GABRA3: variants seen among roughly 807,000 people sequenced by gnomAD.
GABRA3 encodes gamma-aminobutyric acid type A receptor subunit alpha3, also known as gamma-aminobutyric acid receptor subunit alpha-3.
In GABRA3, 10 loss-of-function variants were observed where a neutral mutation model predicts 30.1. That is an observed-to-expected ratio of 0.33 (90% CI 0.20 to 0.56). The LOEUF (loss-of-function observed/expected upper bound fraction) is 0.56. GABRA3 is among the 20% of genes least tolerant of loss of function. GABRA3 has a pLI of 0.89. For missense variants in GABRA3, 233 were observed against 392.0 expected (o/e 0.59, Z 3.42); for synonymous variants, 151 against 146.8 (o/e 1.03, Z -0.21).
At chrX:152,326,988 A>C (rs1179554805) in intron 3 of GABRA3, among the ~76,000 whole-genome samples, 1 of 109,688 alleles carries the variant, frequency 9.1e-6, no homozygotes, top group Non-Finnish European at 1.9e-5. Flanking sequence ...ATACAGGCTC[A>C]AAATAAAGGG....
At chrX:152,203,830 TA>T (rs1365040321) in intron 7 of GABRA3, among the ~76,000 whole-genome samples, 3 of 111,744 alleles carry the variant, frequency 2.7e-5, no homozygotes, top group Non-Finnish European at 5.6e-5. Context: ...CCCACTTGAA[TA>T]ATCCAGAATA....
At chrX:152,306,264 T>C (rs1030817418) in intron 3 of GABRA3, among the ~76,000 whole-genome samples, 1 of 111,731 alleles carries the variant, frequency 9.0e-6, no homozygotes, top group African/African-American at 3.3e-5. Context: ...CACGACAATT[T>C]TGGAGAGCAA....
chrX:152,385,134 A>G (rs887105916), intron 1 of GABRA3, among the ~76,000 whole-genome samples: 1 of 112,015 alleles, frequency 8.9e-6, no homozygotes, highest in Admixed American at 9.5e-5. Flanking sequence ...AGAATAATGA[A>G]GCACAAGAGA....
intron 3 of GABRA3, among the ~76,000 whole-genome samples, chrX:152,334,480 C>G (rs756779232): frequency 4.5e-5 from 5 of 111,975 alleles, no homozygotes; most frequent in African/African-American, 1.6e-4. Context: ...AAAAAAGCTA[C>G]TAGAAGTTTC....
chrX:152,230,517 G>A (rs1047194325), intron 5 of GABRA3, among the ~76,000 whole-genome samples: 2 of 110,678 alleles, frequency 1.8e-5, no homozygotes, highest in African/African-American at 6.6e-5. Context: ...ATCTAGAATA[G>A]CCAAAGCATC....
chrX:152,182,599 TATATACTATATATGC>T (rs1937178453), intron 9 of GABRA3, among the ~76,000 whole-genome samples: 1 of 20,710 alleles, frequency 4.8e-5, no homozygotes, highest in East Asian at 1.4e-3. Context: ...ATACACACTA[TATATACTATATATGC>T]ATATATAGTA....
intron 3 of GABRA3, among the ~76,000 whole-genome samples, chrX:152,321,070 G>T (rs1457730245): frequency 8.9e-6 from 1 of 111,975 alleles, no homozygotes; most frequent in African/African-American, 3.2e-5. Flanking sequence ...ATATGTTCCA[G>T]AATCTTCTCT....
chrX:152,296,523 T>C (rs188638581), intron 3 of GABRA3, among the ~76,000 whole-genome samples: 2 of 111,535 alleles, frequency 1.8e-5, no homozygotes, highest in South Asian at 3.7e-4. Context: ...TGAGCTCCAA[T>C]CTAGGCTCTG....
At chrX:152,270,186 GTGGCAGTTACCC>G (rs1460896134) in intron 4 of GABRA3, among the ~76,000 whole-genome samples, 6 of 111,670 alleles carry the variant, frequency 5.4e-5, no homozygotes, top group Non-Finnish European at 7.5e-5. Context: ...TTGAATTACA[GTGGCAGTTACCC>G]TCATGCTGTT....
At chrX:152,342,530 G>A (rs11797166) in intron 3 of GABRA3, among the ~76,000 whole-genome samples, 13,338 of 110,045 alleles carry the variant, frequency 0.12, 678 homozygotes, top group African/African-American at 0.18. Context: ...GCTTATTAGC[G>A]TTTCTGTCCT....
At chrX:152,310,109 A>G (rs1168473719) in intron 3 of GABRA3, among the ~76,000 whole-genome samples, 1 of 112,324 alleles carries the variant, frequency 8.9e-6, no homozygotes, top group Non-Finnish European at 1.9e-5. Context: ...TATGCAACCA[A>G]CACTGGAACA....
chrX:152,355,128 A>G (rs6526102), intron 2 of GABRA3, among the ~76,000 whole-genome samples: 24,870 of 110,078 alleles, frequency 0.23, 2,769 homozygotes, highest in African/African-American at 0.44. Context: ...ACTCCCCAGC[A>G]GTCTCCTCTT....
In GABRA3 at chrX:152,392,164, C is replaced by T. The variant is rs73626650; in HGVS notation, c.-26-27568G>A. On this transcript the variant is annotated intron_variant, in intron 1 of 9. Coordinates refer to ENST00000370314, the MANE Select transcript of GABRA3 (RefSeq NM_000808.4). ...TGGATGTGATACAAGATTAGAAACA[C>T]AGAGCACAGGAACAAATGGCTTTGG... 2.3e-3 allele frequency: 845 copies of T among 371,851 alleles called. 10 individuals are homozygous for T. The highest frequency in any genetic ancestry group is 0.02 in the African/African-American group (786 of 39,010). 30.6% of individuals were successfully genotyped at this position (371,851 alleles called of 1,213,427 possible).
intron 1 of GABRA3, among the ~76,000 whole-genome samples, chrX:152,417,327 A>G (rs1325119935): frequency 9.6e-6 from 1 of 104,431 alleles, no homozygotes; most frequent in Admixed American, 1.0e-4. Context: ...ACAATGAGAT[A>G]CCACCTCACA....
chrX:152,185,118 A>C (rs1419035324), intron 9 of GABRA3, among the ~76,000 whole-genome samples: 1 of 111,863 alleles, frequency 8.9e-6, no homozygotes, highest in Admixed American at 9.5e-5. Context: ...GAAAAAAGAA[A>C]CTAAGTTATT....
chrX:152,349,507 T>C (rs1481547141), intron 2 of GABRA3, among the ~76,000 whole-genome samples: 1 of 109,090 alleles, frequency 9.2e-6, no homozygotes, highest in Non-Finnish European at 1.9e-5. Flanking sequence ...AGACACAGAC[T>C]GGCAAATTGG....
chrX:152,435,676 T>C (rs1930762206), intron 1 of GABRA3, among the ~76,000 whole-genome samples: 1 of 110,892 alleles, frequency 9.0e-6, no homozygotes, highest in Non-Finnish European at 1.9e-5. Context: ...GCAAACTTCA[T>C]GGCACATGTA....
intron 9 of GABRA3, among the ~76,000 whole-genome samples, chrX:152,181,624 C>G (rs192041576): frequency 1.9e-3 from 210 of 108,804 alleles, no homozygotes; most frequent in African/African-American, 6.4e-3. Context: ...TGAACAATGA[C>G]AACACATGGA....
At chrX:152,377,553 C>A (rs1176127808) in intron 1 of GABRA3, among the ~76,000 whole-genome samples, 1 of 108,130 alleles carries the variant, frequency 9.2e-6, no homozygotes, top group Non-Finnish European at 1.9e-5. Flanking sequence ...AGAATAAACC[C>A]AAAACTGTAC....
Sources: gnomAD v4.1 joint callset for allele counts (sites outside exome capture counted in the v4.1 genomes callset) on GRCh38, gnomAD v4.1.1 for gene constraint, MANE v1.5 for transcripts, NCBI Gene and HGNC (gene_info 2026-07-23, HGNC 2026-07-21) for gene names.